The following SBNO2 variants were observed in gnomAD, a reference collection of about 807,000 sequenced individuals.
SBNO2 encodes the protein strawberry notch homolog 2.
Under a neutral mutation model 146.3 loss-of-function variants are expected in SBNO2, and 89 were observed. That is an observed-to-expected ratio of 0.61 (90% CI 0.51 to 0.73). The LOEUF is 0.73. Ranked by LOEUF, SBNO2 falls within the 30% of genes least tolerant of loss-of-function variation. The pLI, the probability that SBNO2 is intolerant of heterozygous loss-of-function variation, is 0.00. For missense variants in SBNO2, 2,092 were observed against 2,003.7 expected, an observed-to-expected ratio of 1.04 and a Z score of -0.84; for synonymous variants, 1,147 against 892.6, an observed-to-expected ratio of 1.29 and a Z score of -5.08.
At position 1,172,217 on chromosome 19, in the gene SBNO2, A is replaced by T. The variant is rs367787649; in HGVS notation, c.-127+1955T>A. On this transcript the variant is annotated intron_variant, in intron 1 of 31. Transcript: ENST00000361757. Reference sequence around the variant, plus strand: ...AAGTCCTTCCCTCTCCAAGGACGAGAGCCTGCCTGCGTCTCCTCTGCCGTC... The same window carrying T: ...AAGTCCTTCCCTCTCCAAGGACGAGTGCCTGCCTGCGTCTCCTCTGCCGTC... Among the ~76,000 whole-genome samples the T allele has an allele frequency of 2.0e-3, 302 of 152,266 alleles. 2 individuals carry two copies. Among genetic ancestry groups the T allele is most frequent in the African/African-American group, 6.9e-3 (287 of 41,556 alleles).
rs1449263916 is a variant in SBNO2, at chr19:1,143,659, C to A, written c.279+3650G>T. Among the ~76,000 whole-genome samples the A allele has an allele frequency of 2.0e-5, 3 of 152,144 alleles. No homozygotes were observed. The East Asian group carries it at 5.8e-4, about 29-fold the overall frequency. On this transcript the variant is annotated intron_variant, in intron 4 of 31. Transcript: ENST00000361757. ...TCCCTTGGCTTGGGGCCCCTTCTTC[C>A]CCCTTCACGGCCAGAGCGCAGGCTC... is the stretch of plus-strand genomic sequence containing the variant.
At chr19:1,164,446 G>A in intron 1 of SBNO2, among the ~76,000 whole-genome samples, 1 of 126,134 alleles carries the variant, frequency 7.9e-6, no homozygotes, top group Non-Finnish European at 1.7e-5. Context: ...AGGAGGAGGA[G>A]GAGAAACAGG....
intron 4 of SBNO2, among the ~76,000 whole-genome samples, chr19:1,129,526 A>C (rs2080004528): frequency 6.6e-6 from 1 of 152,024 alleles, no homozygotes; most frequent in South Asian, 2.1e-4. Context: ...GGAGGGTAGG[A>C]GCAGTCCACC....
At chr19:1,170,762 G>A (rs373298573) in intron 1 of SBNO2, among the ~76,000 whole-genome samples, 23 of 151,942 alleles carry the variant, frequency 1.5e-4, no homozygotes, top group Middle Eastern at 3.4e-3. Flanking sequence ...CGTGCATAAC[G>A]GACACAGGTG....
intron 3 of SBNO2, among the ~76,000 whole-genome samples, chr19:1,148,073 G>C (rs568178311): frequency 6.6e-6 from 1 of 152,012 alleles, no homozygotes. Flanking sequence ...GGTGGCCGCC[G>C]TCCCCAGGGC....
chr19:1,147,424 G>T lies in SBNO2; in HGVS notation c.168-4C>A. The T allele has an allele frequency of 1.5e-6, 2 of 1,341,140 alleles. No individual in the cohort carries two copies. The highest frequency in any genetic ancestry group is 2.0e-6 in the Non-Finnish European group (2 of 1,004,956). 83.1% of individuals were successfully genotyped at this position (1,341,140 alleles called of 1,614,324 possible). ...GGAGGCGGAGCTCATGAACGGGCTG[G>T]AGGGAGATGGGGGGGGGGGAGGTGA... On this transcript the variant is annotated splice_region_variant and splice_polypyrimidine_tract_variant and intron_variant, in intron 3 of 31. Transcript: ENST00000361757.
intron 1 of SBNO2, among the ~76,000 whole-genome samples, chr19:1,167,773 C>T (rs941959938): frequency 6.6e-6 from 1 of 152,212 alleles, no homozygotes; most frequent in Non-Finnish European, 1.5e-5. Context: ...CAGTACACAG[C>T]GCCAGGCCAT....
At chr19:1,166,328 C>T (rs1409521159) in intron 1 of SBNO2, among the ~76,000 whole-genome samples, 5 of 152,096 alleles carry the variant, frequency 3.3e-5, no homozygotes, top group East Asian at 3.8e-4. Context: ...GCCTCCAGGC[C>T]GGGCTGCGGG....
chr19:1,156,977 C>CGCCACTCCTG (rs1474988784), intron 1 of SBNO2, among the ~76,000 whole-genome samples: 10 of 151,378 alleles, frequency 6.6e-5, no homozygotes, highest in South Asian at 2.1e-4. Context: ...CCTCAGGACC[C>CGCCACTCCTG]ACAGCCCTGC....
intron 7 of SBNO2, 102 bp downstream of exon 7, chr19:1,123,432 C>T: frequency 2.0e-6 from 2 of 985,368 alleles, no homozygotes; most frequent in African/African-American, 3.2e-5. Flanking sequence ...TGAAGCTTCA[C>T]ATTCCCTCTG....
At position 1,117,537 on chromosome 19, in the gene SBNO2, C is replaced by T. The variant is rs1042460187; in HGVS notation, c.1528-38G>A. On this transcript the variant is annotated intron_variant, in intron 14 of 31. Coordinates refer to ENST00000361757, the MANE Select transcript of SBNO2 (RefSeq NM_014963.3). ...GTCACAAGGCGCCCCTGAGCTGTGG[C>T]TCCTGGCTCCCGACCCGGGCCCCGG... The T allele has an allele frequency of 3.3e-6, 5 of 1,524,290 alleles. No homozygotes were observed. The African/African-American group carries it at 4.2e-5, about 13-fold the overall frequency. 94.4% of individuals were successfully genotyped at this position (1,524,290 alleles called of 1,614,324 possible).
rs1345663877 is a variant in SBNO2 at position 1,109,545 on chromosome 19, C to T, written c.3177G>A (p.Ala1059=). 6.2e-6 allele frequency: 10 copies of T among 1,601,312 alleles called. No homozygotes were observed. The African/African-American group carries it at 9.4e-5, about 15-fold the overall frequency. The change falls in exon 28 of 32, where the codon GCG becomes GCA. Residue 1059 remains alanine, a synonymous_variant. Transcript: ENST00000361757. This position sits in a 1 kb window ranked among gnomAD's most constrained non-coding sequence, Gnocchi z 4.2. ...KWEDAFAKSL[A]LTGPYDGFYL... Reference sequence around the variant, plus strand: ...AGAAGCCGTCATAGGGGCCCGTCAGCGCCAGCGACTTGGCAAAGGCGTCCT... The same window carrying T: ...AGAAGCCGTCATAGGGGCCCGTCAGTGCCAGCGACTTGGCAAAGGCGTCCT...
Position 1,112,306 on chromosome 19 carries a change from G to T in SBNO2, c.2516-5C>A. 1 of 1,580,306 alleles carries T rather than the reference G, an allele frequency of 6.3e-7. No individual in the cohort carries two copies. The highest frequency in any genetic ancestry group is 8.6e-7 in the Non-Finnish European group (1 of 1,164,480). On this transcript the variant is annotated splice_region_variant and splice_polypyrimidine_tract_variant and intron_variant, in intron 21 of 31. Coordinates refer to ENST00000361757, the MANE Select transcript of SBNO2 (RefSeq NM_014963.3). The surrounding 1 kb of genome is among the most constrained non-coding windows in gnomAD (Gnocchi z 5.9). ...GGTTGGACCGGTGGGTGCGGCCTGG[G>T]GGCAGAGCTGCTCTCAGGGCCCGGC...
intron 4 of SBNO2, among the ~76,000 whole-genome samples, chr19:1,135,292 G>A (rs2080075364): frequency 6.6e-6 from 1 of 151,850 alleles, no homozygotes; most frequent in Non-Finnish European, 1.5e-5. Context: ...AGCTAGAGAG[G>A]TGGAAGCTGC....
Position 1,140,555 on chromosome 19 carries a change from A to C in SBNO2, c.279+6754T>G, listed in dbSNP as rs1024755417. ...TGACACCGCGGGAGCCCCGCAGCCCACGGTGGATGCCAGCAGCGGCATCCT... is the reference window on the plus strand; with the variant it reads ...TGACACCGCGGGAGCCCCGCAGCCCCCGGTGGATGCCAGCAGCGGCATCCT... On this transcript the variant is annotated intron_variant, in intron 4 of 31. Coordinates refer to ENST00000361757, the MANE Select transcript of SBNO2 (RefSeq NM_014963.3). The surrounding 1 kb of genome is among the most constrained non-coding windows in gnomAD (Gnocchi z 4.4). Among the ~76,000 whole-genome samples the C allele has an allele frequency of 6.6e-6, 1 of 151,516 alleles. No homozygotes were observed. Among genetic ancestry groups the C allele is most frequent in the East Asian group, 1.9e-4 (1 of 5,132 alleles).
chr19:1,116,230 G>A lies in SBNO2; in HGVS notation c.1803-127C>T, dbSNP rs969302756. On this transcript the variant is annotated intron_variant, in intron 16 of 31. Coordinates refer to ENST00000361757, the MANE Select transcript of SBNO2 (RefSeq NM_014963.3). ...GGACAGGACCGGGCCTGGGCAGAGGGTCTCCTGTGTGGAGTGGGCTGGGGA... is the reference window on the plus strand; with the variant it reads ...GGACAGGACCGGGCCTGGGCAGAGGATCTCCTGTGTGGAGTGGGCTGGGGA... 3.1e-5 allele frequency: 24 copies of A among 774,834 alleles called. No homozygotes were observed. The Admixed American group carries it at 6.3e-4, about 20-fold the overall frequency. 48.0% of individuals were successfully genotyped at this position (774,834 alleles called of 1,614,324 possible).
chr19:1,107,915 A>C lies in SBNO2; in HGVS notation c.*305T>G, dbSNP rs957397242. ...CTCTTGGGACCACCCGGTTTCACGG[A>C]TTTCAAGGGTTTGGGCCCACTGAGC... On this transcript the variant is annotated 3_prime_UTR_variant, in exon 32 of 32. Transcript: ENST00000361757. The C allele has an allele frequency of 9.8e-6, 2 of 203,338 alleles. No individual in the cohort carries two copies. Among genetic ancestry groups the C allele is most frequent in the Non-Finnish European group, 2.0e-5 (2 of 100,996 alleles). 12.6% of individuals were successfully genotyped at this position (203,338 alleles called of 1,614,324 possible).
chr19:1,110,733 A>G lies in SBNO2; in HGVS notation c.3028+12T>C, dbSNP rs775588675. 6.2e-7 allele frequency: 1 copy of G among 1,604,932 alleles called. No individual in the cohort carries two copies. The highest frequency in any genetic ancestry group is 1.1e-5 in the South Asian group (1 of 90,912). ...ACACCCACCCACACCACACCCCGGC[A>G]CCTGTGCTCACCCAGGATGCCCATG... is the stretch of plus-strand genomic sequence containing the variant. On this transcript the variant is annotated intron_variant, in intron 26 of 31. Coordinates refer to ENST00000361757, the MANE Select transcript of SBNO2 (RefSeq NM_014963.3). The surrounding 1 kb of genome is among the most constrained non-coding windows in gnomAD (Gnocchi z 4.9).
Position 1,110,998 on chromosome 19 carries a change from G to C in SBNO2, c.2884+21C>G, listed in dbSNP as rs1030769059. 4.4e-6 allele frequency: 7 copies of C among 1,600,292 alleles called. No individual in the cohort carries two copies. The African/African-American group carries it at 9.4e-5, about 21-fold the overall frequency. On this transcript the variant is annotated intron_variant, in intron 25 of 31. Coordinates refer to ENST00000361757, the MANE Select transcript of SBNO2 (RefSeq NM_014963.3). The surrounding 1 kb of genome is among the most constrained non-coding windows in gnomAD (Gnocchi z 4.9). ...AGATGAGAGACAGGAGCGCCTCTGG[G>C]CCTGGGTGTGGGGCACTCACCCTTC...
Sources: gnomAD v4.1 joint callset for allele counts (sites outside exome capture counted in the v4.1 genomes callset) on GRCh38, gnomAD v4.1.1 for gene constraint, Gnocchi (gnomAD v3.1) non-coding constraint, MANE v1.5 for transcripts, NCBI Gene and HGNC (gene_info 2026-07-23, HGNC 2026-07-21) for gene names.